SSBP3: variants seen among roughly 807,000 people sequenced by gnomAD.
SSBP3 encodes the protein single stranded DNA binding protein 3.
SSBP3 carries 5 observed loss-of-function variants against 69.6 expected under a neutral mutation model. That is an observed-to-expected ratio of 0.07 (90% CI 0.04 to 0.15). The LOEUF is 0.15. Among genes scored for constraint, SSBP3 ranks in the 10% least tolerant of loss-of-function variants. The pLI, the probability that SSBP3 is intolerant of heterozygous loss-of-function variation, is 1.00. For synonymous variants in SSBP3, 196 were observed against 193.4 expected (o/e 1.01, Z -0.11); for missense variants, 312 against 534.0 (o/e 0.58, Z 4.10).
chr1:54,316,832 T>A, intron 4 of SSBP3, among the ~76,000 whole-genome samples: 1 of 152,082 alleles, frequency 6.6e-6, no homozygotes, highest in Non-Finnish European at 1.5e-5. Context: ...GCTGGGGAAG[T>A]CTGAGATCAA....
intron 4 of SSBP3, among the ~76,000 whole-genome samples, chr1:54,361,307 T>C (rs1646948285): frequency 6.6e-6 from 1 of 152,188 alleles, no homozygotes; most frequent in South Asian, 2.1e-4. Context: ...TAACCTGGCC[T>C]GTGCTAACTA....
chr1:54,369,222 G>A (rs549250622), intron 4 of SSBP3, among the ~76,000 whole-genome samples: 11 of 150,892 alleles, frequency 7.3e-5, no homozygotes, highest in African/African-American at 2.7e-4. Flanking sequence ...TTGAGTCGGG[G>A]GGGGGGCCCA....
At chr1:54,322,593 G>T (rs567953817) in intron 4 of SSBP3, among the ~76,000 whole-genome samples, 1 of 151,880 alleles carries the variant, frequency 6.6e-6, no homozygotes, top group Admixed American at 6.6e-5. Context: ...AGGAACATGG[G>T]ATCTACATTA....
chr1:54,257,255 C>A, intron 6 of SSBP3, 69 bp from the exon 7 acceptor site: 1 of 1,379,194 alleles, frequency 7.3e-7, no homozygotes, highest in Non-Finnish European at 9.8e-7. Context: ...AAATGCTCTC[C>A]ACTCCACAAA....
intron 5 of SSBP3, among the ~76,000 whole-genome samples, chr1:54,273,684 C>G (rs1170138776): frequency 6.6e-6 from 1 of 152,198 alleles, no homozygotes; most frequent in African/African-American, 2.4e-5. Flanking sequence ...GTGGCCAGCA[C>G]CCCCCACTGG....
chr1:54,382,115 A>AC (rs533200730), intron 4 of SSBP3, among the ~76,000 whole-genome samples: 146 of 152,280 alleles, frequency 9.6e-4, no homozygotes, highest in Non-Finnish European at 1.6e-3. Flanking sequence ...AATTGCTTGA[A>AC]CCCAGGAGGC....
intron 7 of SSBP3, among the ~76,000 whole-genome samples, chr1:54,254,323 C>T (rs1434359050): frequency 6.6e-6 from 1 of 152,216 alleles, no homozygotes; most frequent in Non-Finnish European, 1.5e-5. Flanking sequence ...CACAGCCAGC[C>T]TGCCAGGTGG....
chr1:54,385,128 C>G (rs569786787), intron 4 of SSBP3, among the ~76,000 whole-genome samples: 1 of 152,198 alleles, frequency 6.6e-6, no homozygotes, highest in Non-Finnish European at 1.5e-5. Context: ...CTGAGCACAG[C>G]CCCTGATGGC....
intron 4 of SSBP3, among the ~76,000 whole-genome samples, chr1:54,389,592 C>T (rs1047495752): frequency 6.6e-6 from 1 of 152,148 alleles, no homozygotes; most frequent in African/African-American, 2.4e-5. Context: ...GGCACAGTGG[C>T]TTACACCTGT....
At chr1:54,246,484 G>A (rs1187584278) in intron 9 of SSBP3, among the ~76,000 whole-genome samples, 2 of 152,214 alleles carry the variant, frequency 1.3e-5, no homozygotes, top group East Asian at 1.9e-4. Context: ...GCAGAAGCCT[G>A]GTATGTCTCA....
At chr1:54,372,228 C>T (rs1329888887) in intron 4 of SSBP3, among the ~76,000 whole-genome samples, 1 of 152,212 alleles carries the variant, frequency 6.6e-6, no homozygotes, top group Non-Finnish European at 1.5e-5. Context: ...ACCTGCCTTG[C>T]AGGGTTGGTC....
At chr1:54,387,059 C>A (rs1381891207) in intron 4 of SSBP3, among the ~76,000 whole-genome samples, 1 of 152,172 alleles carries the variant, frequency 6.6e-6, no homozygotes, top group African/African-American at 2.4e-5. Context: ...GAAGTAAGAA[C>A]ATCCGTTCCA....
At chr1:54,352,961 G>A (rs568736060) in intron 4 of SSBP3, among the ~76,000 whole-genome samples, 126 of 152,310 alleles carry the variant, frequency 8.3e-4, no homozygotes, top group African/African-American at 2.9e-3. Context: ...GCCCCTCAAC[G>A]GATTCTGAAT....
chr1:54,232,374 A>G (rs1034046604), intron 14 of SSBP3, among the ~76,000 whole-genome samples: 1 of 152,204 alleles, frequency 6.6e-6, no homozygotes, highest in Non-Finnish European at 1.5e-5. Flanking sequence ...CACCTGCCTC[A>G]GCCTCCTGAA....
chr1:54,362,100 C>T (rs534740764), intron 4 of SSBP3, among the ~76,000 whole-genome samples: 1 of 152,320 alleles, frequency 6.6e-6, no homozygotes, highest in Admixed American at 6.5e-5. Flanking sequence ...TATCTTCATG[C>T]CCATCTTTAC....
chr1:54,373,133 C>T (rs1049019816), intron 4 of SSBP3, among the ~76,000 whole-genome samples: 1 of 152,154 alleles, frequency 6.6e-6, no homozygotes, highest in East Asian at 1.9e-4. Flanking sequence ...TGCCACCTGA[C>T]AGCATTGCTT....
intron 9 of SSBP3, among the ~76,000 whole-genome samples, chr1:54,243,998 T>C (rs1007955334): frequency 6.6e-6 from 1 of 152,184 alleles, no homozygotes; most frequent in Non-Finnish European, 1.5e-5. Context: ...AGTGCAATCA[T>C]AACTCACTGC....
intron 2 of SSBP3, 93 bp downstream of exon 2, chr1:54,404,765 T>G: frequency 2.1e-6 from 2 of 937,368 alleles, no homozygotes; most frequent in East Asian, 4.2e-5. Flanking sequence ...TTCAAAATGG[T>G]GGCCACAGTG....
intron 4 of SSBP3, among the ~76,000 whole-genome samples, chr1:54,316,813 A>T (rs1363631306): frequency 6.6e-6 from 1 of 152,162 alleles, no homozygotes; most frequent in African/African-American, 2.4e-5. Context: ...TATTGCTCAC[A>T]GTTCCAGAGC....
Sources: allele counts gnomAD v4.1 joint callset (sites outside exome capture counted in the v4.1 genomes callset), GRCh38; gene constraint gnomAD v4.1.1; transcripts MANE v1.5; gene names NCBI Gene and HGNC (gene_info 2026-07-23, HGNC 2026-07-21).